SMYD3: variants seen among roughly 807,000 people sequenced by gnomAD.
The protein encoded by SMYD3 is SET and MYND domain containing 3.
SMYD3 carries 36 observed loss-of-function variants against 57.7 expected under a neutral mutation model. The ratio of observed to expected loss-of-function variants is 0.62; its 90% CI spans 0.48 to 0.82. The LOEUF is 0.82. SMYD3 is among the 40% of genes least tolerant of loss of function. The pLI is 0.00. For missense variants in SMYD3, 515 were observed against 538.8 expected (o/e 0.96, Z 0.44); for synonymous variants, 211 against 195.0 (o/e 1.08, Z -0.68).
At chr1:246,488,572 G>A (rs1313806457) in intron 1 of SMYD3, among the ~76,000 whole-genome samples, 2 of 152,190 alleles carry the variant, frequency 1.3e-5, no homozygotes, top group Admixed American at 6.5e-5. Context: ...TATAGTCTCA[G>A]GTACTGGGGA....
rs1236003500 is a variant in SMYD3, at chr1:246,506,992, C to T, written c.164+62G>A. On this transcript the variant is annotated intron_variant, in intron 1 of 11. Coordinates refer to ENST00000490107, the MANE Select transcript of SMYD3 (RefSeq NM_001167740.2). ...CCGCGGCTGCCGGCCGCCCGACGCC[C>T]CCCCCTCCCCAGCACCCCACACAGC... 16 of 859,458 alleles carry T rather than the reference C, an allele frequency of 1.9e-5. 1 individual carries two copies. In the East Asian group the frequency reaches 4.2e-4, roughly 22 times the overall value. 53.2% of individuals were successfully genotyped at this position (859,458 alleles called of 1,614,324 possible). A position where few individuals can be genotyped will look rare whatever the true frequency, so the allele number is the denominator to read the frequency against.
chr1:246,221,509 C>A (rs74227134), intron 5 of SMYD3, among the ~76,000 whole-genome samples: 13,374 of 152,248 alleles, frequency 0.088, 1,042 homozygotes, highest in East Asian at 0.24. Flanking sequence ...GACCTGGGAG[C>A]TCCCTGAGCC....
intron 10 of SMYD3, among the ~76,000 whole-genome samples, chr1:245,785,022 T>C (rs1043355720): frequency 6.6e-6 from 1 of 151,496 alleles, no homozygotes; most frequent in Non-Finnish European, 1.5e-5. Context: ...GCTAATTGTT[T>C]TGGGTTTTAG....
At chr1:246,249,628 A>T (rs2063769745) in intron 5 of SMYD3, among the ~76,000 whole-genome samples, 1 of 152,116 alleles carries the variant, frequency 6.6e-6, no homozygotes, top group Non-Finnish European at 1.5e-5. Context: ...TGATCATCAT[A>T]GTAGTACAGC....
At chr1:246,282,301 T>C (rs2064460515) in intron 5 of SMYD3, among the ~76,000 whole-genome samples, 1 of 54,976 alleles carries the variant, frequency 1.8e-5, no homozygotes, top group African/African-American at 6.8e-5. Context: ...GACCCTCATC[T>C]CTACAAAAAA....
intron 5 of SMYD3, among the ~76,000 whole-genome samples, chr1:245,994,318 T>C (rs2058878920): frequency 6.6e-6 from 1 of 152,194 alleles, no homozygotes; most frequent in Admixed American, 6.5e-5. Flanking sequence ...GTGCCCTGTG[T>C]GTTTTGAGAG....
chr1:245,823,351 G>A (rs967644962), intron 10 of SMYD3, among the ~76,000 whole-genome samples: 4 of 64,974 alleles, frequency 6.2e-5, no homozygotes, highest in Admixed American at 2.9e-4. Context: ...GTGCTTGCTC[G>A]CTCTCGCTCT....
intron 10 of SMYD3, among the ~76,000 whole-genome samples, chr1:245,842,761 T>A (rs1364306337): frequency 2.6e-5 from 4 of 152,058 alleles, no homozygotes; most frequent in African/African-American, 9.7e-5. Context: ...CAGGCTGGAG[T>A]GCAGTGGTAC....
At chr1:246,344,956 G>A (rs370382308) in intron 2 of SMYD3, among the ~76,000 whole-genome samples, 1 of 152,216 alleles carries the variant, frequency 6.6e-6, no homozygotes, top group African/African-American at 2.4e-5. Context: ...TCTTGGTTGG[G>A]GTGAGAGAGA....
intron 5 of SMYD3, among the ~76,000 whole-genome samples, chr1:245,942,661 C>A (rs1280726566): frequency 6.6e-6 from 1 of 152,228 alleles, no homozygotes; most frequent in Non-Finnish European, 1.5e-5. Context: ...CCCCCCAAAA[C>A]AGAATACACA....
intron 5 of SMYD3, among the ~76,000 whole-genome samples, chr1:246,055,879 A>G (rs2060142829): frequency 6.6e-6 from 1 of 152,200 alleles, no homozygotes; most frequent in Non-Finnish European, 1.5e-5. Context: ...TTATCATTTA[A>G]TGGGTTCAAA....
At chr1:246,054,354 G>A (rs186261250) in intron 5 of SMYD3, among the ~76,000 whole-genome samples, 32 of 152,272 alleles carry the variant, frequency 2.1e-4, no homozygotes, top group East Asian at 5.8e-4. Context: ...TCAGAAAGCA[G>A]TCTTGTAGTT....
At chr1:246,214,984 C>T (rs10802351) in intron 5 of SMYD3, among the ~76,000 whole-genome samples, 40,288 of 151,842 alleles carry the variant, frequency 0.27, 6,052 homozygotes, top group East Asian at 0.58. Context: ...TTTATTTATG[C>T]AGATTTTTAC....
At chr1:246,006,667 ACTGAC>A (rs1489485817) in intron 5 of SMYD3, among the ~76,000 whole-genome samples, 1 of 152,150 alleles carries the variant, frequency 6.6e-6, no homozygotes, top group Non-Finnish European at 1.5e-5. Context: ...AGTGCCAAAT[ACTGAC>A]CTGTCTCGCC....
chr1:246,453,388 T>C (rs1476181516), intron 1 of SMYD3, among the ~76,000 whole-genome samples: 2 of 152,362 alleles, frequency 1.3e-5, no homozygotes, highest in African/African-American at 2.4e-5. Context: ...AGTGAGAATT[T>C]AGTACAGTGG....
intron 10 of SMYD3, among the ~76,000 whole-genome samples, chr1:245,844,696 T>C (rs1349399716): frequency 2.0e-5 from 3 of 151,882 alleles, no homozygotes; most frequent in Non-Finnish European, 4.4e-5. Context: ...TGAGCAGTAG[T>C]AAAGGAGAAG....
At chr1:246,476,802 C>T (rs72760830) in intron 1 of SMYD3, among the ~76,000 whole-genome samples, 21,588 of 152,062 alleles carry the variant, frequency 0.14, 1,951 homozygotes, top group Middle Eastern at 0.24. Flanking sequence ...ACAACTTTTT[C>T]TTTTTTGCAG....
intron 9 of SMYD3, among the ~76,000 whole-genome samples, chr1:245,861,020 A>C (rs1187872754): frequency 6.6e-6 from 1 of 152,230 alleles, no homozygotes; most frequent in East Asian, 1.9e-4. Context: ...TTCTGCAGCT[A>C]CTCATAGGAA....
At chr1:246,047,343 C>G (rs1357338584) in intron 5 of SMYD3, among the ~76,000 whole-genome samples, 1 of 152,124 alleles carries the variant, frequency 6.6e-6, no homozygotes, top group African/African-American at 2.4e-5. Context: ...CAGAAAAAAG[C>G]CAAGTGTTAT....
Sources: allele counts gnomAD v4.1 joint callset (sites outside exome capture counted in the v4.1 genomes callset), GRCh38; gene constraint gnomAD v4.1.1; transcripts MANE v1.5; gene names NCBI Gene and HGNC (gene_info 2026-07-23, HGNC 2026-07-21).